The following GFY variants were observed in gnomAD, a reference collection of about 807,000 sequenced individuals.
GFY encodes Golgi-associated olfactory signaling regulator.
A neutral mutation model predicts 29.1 loss-of-function variants in GFY; 28 were observed. The ratio of observed to expected loss-of-function variants is 0.96; its 90% CI spans 0.71 to 1.32. The LOEUF (loss-of-function observed/expected upper bound fraction) is 1.32, where lower values mean the gene tolerates loss of function less well. Among genes scored for constraint, GFY ranks in the 40% most tolerant of loss-of-function variants. The pLI is 0.00. For synonymous variants in GFY, 277 were observed against 274.5 expected (o/e 1.01, Z -0.09); for missense variants, 656 against 661.9 (o/e 0.99, Z 0.10).
rs1485653599 is a variant in GFY at position 49,426,902 on chromosome 19, T to G, written c.472T>G (p.Ser158Ala). 6.5e-7 allele frequency: 1 copy of G among 1,534,722 alleles called. No homozygotes were observed. Among genetic ancestry groups the G allele is most frequent in the Admixed American group, 2.0e-5 (1 of 50,894 alleles). The change falls in exon 2 of 4, where the codon TCC becomes GCC. Residue 158 changes from serine (S) to alanine (A), a missense_variant. Physicochemically the swap from Ser to Ala is moderately conservative, Grantham distance 99 (BLOSUM62 1). Coordinates refer to ENST00000610896, the MANE Select transcript of GFY (RefSeq NM_001195256.2). The stretch of plus-strand genomic sequence containing the variant: ...CCCTGAGACCCCCAAACCTAACTTC[T>G]CCAAAACTTCACGCCCAGAATTTCC... Reference protein sequence around the residue: ...GSPETPKPNFSKTSRPEFPET... With the variant: ...GSPETPKPNFAKTSRPEFPET...
At chr19:49,424,898 T>C (rs894863007), upstream of GFY, among the ~76,000 whole-genome samples, 11 of 151,858 alleles carry the variant, frequency 7.2e-5, no homozygotes, top group African/African-American at 2.4e-4. Context: ...TGGGCAAAAC[T>C]TGGAAGTCCT....
rs1369823539 is a variant in GFY, at chr19:49,428,041, C to T, written c.1279C>T (p.Leu427=). 3.3e-6 allele frequency: 5 copies of T among 1,535,946 alleles called. No homozygotes were observed. The highest frequency in any genetic ancestry group is 2.0e-5 in the Admixed American group (1 of 51,006). The change falls in exon 3 of 4, where the codon CTG becomes TTG. Residue 427 remains leucine (L), a synonymous_variant. Transcript: ENST00000610896. ...GCTGCTGATCGGCATCTTTGTGCTG[C>T]TGTGGTGTCTTTACCGCCGGGCAGC... ...TALLIGIFVL[L]WCLYRRAARQ...
rs1461139716 is a variant in GFY at position 49,427,940 on chromosome 19, C to T, written c.1184-6C>T. Reference sequence around the variant, plus strand: ...AGGAGCTTAGATTGCTGGTATCCCCCTTCAGGCGTGACTCTGGTGGGGCGA... The same window carrying T: ...AGGAGCTTAGATTGCTGGTATCCCCTTTCAGGCGTGACTCTGGTGGGGCGA... On this transcript the variant is annotated splice_polypyrimidine_tract_variant and splice_region_variant and intron_variant, in intron 2 of 3. Transcript: ENST00000610896. The T allele has an allele frequency of 3.3e-6, 5 of 1,529,678 alleles. No individual in the cohort carries two copies. Among genetic ancestry groups the T allele is most frequent in the Admixed American group, 3.9e-5 (2 of 50,876 alleles). The allele number at this position is 1,529,678 out of a possible 1,614,324, so 94.8% of individuals were successfully genotyped here.
chr19:49,427,276 T>C lies in GFY; in HGVS notation c.846T>C (p.Thr282=). 1.3e-6 allele frequency: 2 copies of C among 1,536,124 alleles called. No homozygotes were observed. The highest frequency in any genetic ancestry group is 8.7e-7 in the Non-Finnish European group (1 of 1,146,902). ...GGACCTCCGACCCTCAAATCTCCAC[T>C]AGTCTCTACCCAGAAACACCTGTGC... is the stretch of plus-strand genomic sequence containing the variant. ...VPRTSDPQIS[T]SLYPETPVPF... Residue 282 remains threonine, a synonymous_variant, in exon 2 of 4, where the codon ACT becomes ACC. Coordinates refer to ENST00000610896, the MANE Select transcript of GFY (RefSeq NM_001195256.2).
chr19:49,425,367 G>T (rs867998459), upstream of GFY: 2 of 152,060 alleles, frequency 1.3e-5, no homozygotes, highest in African/African-American at 4.8e-5. Flanking sequence ...AGGGGGTGAG[G>T]TGCGTCACCT....
chr19:49,426,973 C>T lies in GFY; in HGVS notation c.543C>T (p.Ser181=), dbSNP rs921927490. The change falls in exon 2 of 4, where the codon TCC becomes TCT. Residue 181 remains serine, a synonymous_variant. Transcript: ENST00000610896. ...TDLMQTTPQE[S]PEILQLNATE... ...TTATGCAAACTACACCCCAAGAATC[C>T]CCAGAGATTCTGCAGCTTAATGCCA... 5.2e-6 allele frequency: 8 copies of T among 1,535,686 alleles called. No individual in the cohort carries two copies. In the African/African-American group the frequency reaches 9.6e-5, roughly 18 times the overall value.
chr19:49,426,263 G>T (rs1380874317), intron 1 of GFY, 147 bp from the exon 2 acceptor site: 26 of 1,320,046 alleles, frequency 2.0e-5, no homozygotes, highest in Middle Eastern at 2.7e-4. Flanking sequence ...AGGGACTTGC[G>T]ATTGGGTTCT....
At position 49,426,876 on chromosome 19, in the gene GFY, C is replaced by G; in HGVS notation, c.446C>G (p.Ser149Cys). 1 of 1,535,946 alleles carries G rather than the reference C, an allele frequency of 6.5e-7. No homozygotes were observed. The highest frequency in any genetic ancestry group is 8.7e-7 in the Non-Finnish European group (1 of 1,146,870). The change falls in exon 2 of 4, where the codon TCC becomes TGC. Residue 149 changes from serine (S) to cysteine (C), a missense_variant. Transcript: ENST00000610896. Reference sequence around the variant, plus strand: ...CCAACTGAAATGCCACACCCAGGATCCCCTGAGACCCCCAAACCTAACTTC... The same window carrying G: ...CCAACTGAAATGCCACACCCAGGATGCCCTGAGACCCCCAAACCTAACTTC... ...PGPTEMPHPG[S>C]PETPKPNFSK...
At position 49,427,165 on chromosome 19, in the gene GFY, C is replaced by T; in HGVS notation, c.735C>T (p.Ser245=). Residue 245 remains serine, a synonymous_variant, in exon 2 of 4, where the codon TCC becomes TCT. Coordinates refer to ENST00000610896, the MANE Select transcript of GFY (RefSeq NM_001195256.2). The part of the protein sequence containing the change: ...PDPSKTPHPE[S]HVTHNPSPTE... ...CTTCTAAAACCCCCCACCCAGAATC[C>T]CATGTGACCCACAATCCCAGCCCCA... 1 of 1,536,002 alleles carries T rather than the reference C, an allele frequency of 6.5e-7. No individual in the cohort carries two copies.
chr19:49,426,006 T>G (rs1194825836), intron 1 of GFY, among the ~76,000 whole-genome samples: 3 of 152,068 alleles, frequency 2.0e-5, no homozygotes, highest in African/African-American at 7.2e-5. Flanking sequence ...CCTCCTGTAG[T>G]GTAAACAACT....
chr19:49,425,937 G>C (rs1975067509), intron 1 of GFY, among the ~76,000 whole-genome samples: 1 of 152,040 alleles, frequency 6.6e-6, no homozygotes, highest in Non-Finnish European at 1.5e-5. Flanking sequence ...TCTTAACCCA[G>C]AGCCCAAATG....
chr19:49,424,636 A>G (rs1975054850), upstream of GFY, among the ~76,000 whole-genome samples: 1 of 148,358 alleles, frequency 6.7e-6, no homozygotes, highest in East Asian at 2.2e-4. Context: ...GGATCACTTG[A>G]GGTCAGGAGT....
At chr19:49,428,191 C>T in intron 3 of GFY, 72 bp downstream of exon 3, 1 of 1,473,240 alleles carries the variant, frequency 6.8e-7, no homozygotes. Context: ...AGGGCGCCAG[C>T]CAAAAAAGCA....
At chr19:49,424,120 A>G (rs1182083643), upstream of GFY, 1 of 152,302 alleles carries the variant, frequency 6.6e-6, no homozygotes, top group African/African-American at 2.4e-5. Flanking sequence ...GAGTGAGAAG[A>G]GGGGAAAACA....
Position 49,426,928 on chromosome 19 carries a change from T to C in GFY, c.498T>C (p.Pro166=). 1 of 1,535,854 alleles carries C rather than the reference T, an allele frequency of 6.5e-7. No homozygotes were observed. Among genetic ancestry groups the C allele is most frequent in the Non-Finnish European group, 8.7e-7 (1 of 1,146,846 alleles). The part of the protein sequence containing the change: ...NFSKTSRPEF[P]ETPNTDLMQT... ...CCAAAACTTCACGCCCAGAATTTCC[T>C]GAGACCCCAAACACTGACCTTATGC... The change falls in exon 2 of 4, where the codon CCT becomes CCC. Residue 166 remains proline (P), a synonymous_variant. Coordinates refer to ENST00000610896, the MANE Select transcript of GFY (RefSeq NM_001195256.2).
intron 2 of GFY, among the ~76,000 whole-genome samples, 151 bp downstream of exon 2, chr19:49,427,764 G>A (rs1241707384): frequency 6.6e-6 from 1 of 152,026 alleles, no homozygotes; most frequent in African/African-American, 2.4e-5. Context: ...GGGAGGAGGG[G>A]CTGGGGGCCT....
At chr19:49,425,782 A>G (rs532269392) in intron 1 of GFY, among the ~76,000 whole-genome samples, 10 of 151,096 alleles carry the variant, frequency 6.6e-5, no homozygotes, top group African/African-American at 2.4e-4. Flanking sequence ...ATCTCCTTTC[A>G]CCCCTGCAAT....
intron 1 of GFY, among the ~76,000 whole-genome samples, chr19:49,425,890 C>T (rs1053667419): frequency 1.3e-5 from 2 of 152,178 alleles, no homozygotes; most frequent in Admixed American, 6.5e-5. Flanking sequence ...AGCCCCCTCA[C>T]CCTGCAAGAC....
At chr19:49,426,375 G>C (rs141768808) in intron 1 of GFY, 35 bp from the exon 2 acceptor site, 53 of 1,450,928 alleles carry the variant, frequency 3.7e-5, no homozygotes, top group Non-Finnish European at 4.7e-5. Flanking sequence ...GGGAGCCTTC[G>C]GCCTTAACCC....
Sources: gnomAD v4.1 joint callset for allele counts (sites outside exome capture counted in the v4.1 genomes callset) on GRCh38, gnomAD v4.1.1 for gene constraint, MANE v1.5 for transcripts, NCBI Gene and HGNC (gene_info 2026-07-23, HGNC 2026-07-21) for gene names.